CNOT6L: variants seen among roughly 807,000 people sequenced by gnomAD.
CNOT6L encodes CCR4-NOT transcription complex subunit 6-like.
A neutral mutation model predicts 64.0 loss-of-function variants in CNOT6L; 7 were observed. The ratio of observed to expected loss-of-function variants is 0.11; its 90% CI spans 0.06 to 0.21. The LOEUF is 0.21. Among genes scored for constraint, CNOT6L ranks in the 10% least tolerant of loss-of-function variants. CNOT6L has a pLI of 1.00. For synonymous variants in CNOT6L, 193 were observed against 243.4 expected (o/e 0.79, Z 1.93); for missense variants, 245 against 669.0 (o/e 0.37, Z 6.99).
At chr4:77,745,628 C>A (rs1381217188) in intron 6 of CNOT6L, among the ~76,000 whole-genome samples, 2 of 152,148 alleles carry the variant, frequency 1.3e-5, no homozygotes, top group African/African-American at 4.8e-5. Context: ...GTCTGAAAAG[C>A]CCTGATTTTT....
At chr4:77,787,570 CTAGTG>C (rs1432795743) in intron 1 of CNOT6L, among the ~76,000 whole-genome samples, 1 of 152,172 alleles carries the variant, frequency 6.6e-6, no homozygotes, top group Non-Finnish European at 1.5e-5. Flanking sequence ...ATTATAATCA[CTAGTG>C]TAGTGAAGAG....
chr4:77,797,233 TA>T (rs111896263), intron 1 of CNOT6L, among the ~76,000 whole-genome samples: 7,969 of 142,584 alleles, frequency 0.056, 266 homozygotes, highest in African/African-American at 0.098. Context: ...TCATACTATA[TA>T]AAAAAAAAAC....
At chr4:77,735,114 A>C (rs1325829935) in intron 8 of CNOT6L, among the ~76,000 whole-genome samples, 1 of 152,166 alleles carries the variant, frequency 6.6e-6, no homozygotes, top group Non-Finnish European at 1.5e-5. Flanking sequence ...AATCGAAAGC[A>C]AAAGTTAAAA....
intron 5 of CNOT6L, among the ~76,000 whole-genome samples, chr4:77,748,790 T>C (rs2109967997): frequency 6.6e-6 from 1 of 152,312 alleles, no homozygotes; most frequent in East Asian, 1.9e-4. Flanking sequence ...CAGAAAAAAG[T>C]ACATATGGAT....
rs1392980809 is a variant in CNOT6L at position 77,742,297 on chromosome 4, TG to T, written c.718-3del. On this transcript the variant is annotated splice_region_variant and splice_polypyrimidine_tract_variant and intron_variant, in intron 7 of 11. Transcript: ENST00000504123. ...GAAGTATTGCTCTGTTTCCACTTCC[TG>T]AGATGAAAGAAAAGTTATCATCTAT... 6.2e-7 allele frequency: 1 copy of T among 1,608,726 alleles called. No individual in the cohort carries two copies. Among genetic ancestry groups the T allele is most frequent in the Non-Finnish European group, 8.5e-7 (1 of 1,177,240 alleles).
chr4:77,729,191 C>A, intron 9 of CNOT6L, 110 bp from the exon 10 acceptor site: 1 of 756,464 alleles, frequency 1.3e-6, no homozygotes, highest in East Asian at 2.5e-5. Flanking sequence ...TACTCTTTTC[C>A]ATGAATTTAT....
At chr4:77,819,169 G>T in intron 1 of CNOT6L, 135 bp downstream of exon 1, 1 of 1,570,922 alleles carries the variant, frequency 6.4e-7, no homozygotes, top group Non-Finnish European at 8.7e-7. Flanking sequence ...GGGTCCTCGG[G>T]CCGCCTCCCC....
At chr4:77,746,068 T>TGAATTTAC (rs1412559965) in intron 6 of CNOT6L, among the ~76,000 whole-genome samples, 1 of 152,234 alleles carries the variant, frequency 6.6e-6, no homozygotes, top group Admixed American at 6.5e-5. Flanking sequence ...GTAAGCACCC[T>TGAATTTAC]GAATTTACCT....
At chr4:77,740,033 T>C (rs1250926578) in intron 8 of CNOT6L, among the ~76,000 whole-genome samples, 1 of 152,118 alleles carries the variant, frequency 6.6e-6, no homozygotes, top group Non-Finnish European at 1.5e-5. Flanking sequence ...GTGCATTTTT[T>C]TTTTAAGCTA....
chr4:77,748,124 C>T (rs80337171), intron 6 of CNOT6L, among the ~76,000 whole-genome samples, 192 bp downstream of exon 6: 5,272 of 152,194 alleles, frequency 0.035, 153 homozygotes, highest in South Asian at 0.085. Context: ...GGCTGCATTA[C>T]TGTGAAAGAT....
chr4:77,788,744 A>T (rs1729751991), intron 1 of CNOT6L, among the ~76,000 whole-genome samples: 2 of 151,452 alleles, frequency 1.3e-5, no homozygotes. Flanking sequence ...GTAATAATAA[A>T]TAATAATAAT....
upstream of CNOT6L, among the ~76,000 whole-genome samples, chr4:77,820,184 G>A (rs980030993): frequency 2.6e-5 from 4 of 152,326 alleles, no homozygotes; most frequent in South Asian, 2.1e-4. Context: ...AGGCGTCCGG[G>A]CGATATCGGT....
chr4:77,720,638 C>G lies in CNOT6L; in HGVS notation c.1461G>C (p.Val487=), dbSNP rs1167144005. 6.2e-7 allele frequency: 1 copy of G among 1,613,048 alleles called. No homozygotes were observed. Among genetic ancestry groups the G allele is most frequent in the Non-Finnish European group, 8.5e-7 (1 of 1,179,264 alleles). Reference sequence around the variant, plus strand: ...TCTTGGAATAGAAAATGTAGTCAATCACGCCCTGGAAAGAGATTGGGAATA... The same window carrying G: ...TCTTGGAATAGAAAATGTAGTCAATGACGCCCTGGAAAGAGATTGGGAATA... ...YTNYTFDFKG[V]IDYIFYSKTH... The change falls in exon 12 of 12, where the codon GTG becomes GTC. Residue 487 remains valine (V), a synonymous_variant. Coordinates refer to ENST00000504123, the MANE Select transcript of CNOT6L (RefSeq NM_144571.3).
intron 1 of CNOT6L, 134 bp downstream of exon 1, chr4:77,819,170 C>A: frequency 6.4e-7 from 1 of 1,573,722 alleles, no homozygotes; most frequent in Admixed American, 1.8e-5. Context: ...GGTCCTCGGG[C>A]CGCCTCCCCG....
chr4:77,774,683 G>A lies in CNOT6L; in HGVS notation c.161C>T (p.Ser54Leu), dbSNP rs1727960721. The change falls in exon 3 of 12, where the codon TCA becomes TTA. Residue 54 changes from serine to leucine, a missense_variant. Coordinates refer to ENST00000504123, the MANE Select transcript of CNOT6L (RefSeq NM_144571.3). ...RVRSLSTSLW[S>L]LTHLTALHLN... ...GTGCAGCGCTGTCAAGTGTGTCAAT[G>A]ACCAAAGTGATGTACTTAGGCTCCG... 1 of 1,610,964 alleles carries A rather than the reference G, an allele frequency of 6.2e-7. No homozygotes were observed. Among genetic ancestry groups the A allele is most frequent in the South Asian group, 1.1e-5 (1 of 90,612 alleles).
chr4:77,805,923 A>G (rs774482777), intron 1 of CNOT6L, among the ~76,000 whole-genome samples: 26 of 152,218 alleles, frequency 1.7e-4, no homozygotes, highest in African/African-American at 5.1e-4. Flanking sequence ...AATCACTCCA[A>G]TAGAATTCAC....
At chr4:77,804,599 T>C (rs1472095591) in intron 1 of CNOT6L, among the ~76,000 whole-genome samples, 1 of 151,882 alleles carries the variant, frequency 6.6e-6, no homozygotes, top group Non-Finnish European at 1.5e-5. Context: ...AAATTGTCAA[T>C]GGATGGGGTA....
chr4:77,792,517 G>A (rs1009524020), intron 1 of CNOT6L, among the ~76,000 whole-genome samples: 3 of 152,124 alleles, frequency 2.0e-5, no homozygotes, highest in Non-Finnish European at 4.4e-5. Flanking sequence ...CCTGAGGTCA[G>A]GAGTTCAAGA....
chr4:77,811,587 G>C (rs1732943662), intron 1 of CNOT6L, among the ~76,000 whole-genome samples: 1 of 151,964 alleles, frequency 6.6e-6, no homozygotes, highest in African/African-American at 2.4e-5. Flanking sequence ...AAGGGAGAGG[G>C]AAAAAGAGGA....
Sources: allele counts gnomAD v4.1 joint callset (sites outside exome capture counted in the v4.1 genomes callset), GRCh38; gene constraint gnomAD v4.1.1; transcripts MANE v1.5; gene names NCBI Gene and HGNC (gene_info 2026-07-23, HGNC 2026-07-21).